The following MGAT4C variants were observed in gnomAD, a reference collection of about 807,000 sequenced individuals.
MGAT4C encodes the protein MGAT4 family member C.
In MGAT4C, 19 loss-of-function variants were observed where a neutral mutation model predicts 40.1. The ratio of observed to expected loss-of-function variants is 0.47; its 90% CI spans 0.33 to 0.70. The LOEUF is 0.70. Among genes scored for constraint, MGAT4C ranks in the 30% least tolerant of loss-of-function variants. The pLI, the probability that MGAT4C is intolerant of heterozygous loss-of-function variation, is 0.02. For missense variants in MGAT4C, 491 were observed against 563.2 expected (o/e 0.87, Z 1.30); for synonymous variants, 181 against 187.1 (o/e 0.97, Z 0.27).
rs995985881 is a variant in MGAT4C at position 86,308,975 on chromosome 12, G to A, written c.-57+25090C>T. Among the ~76,000 whole-genome samples the A allele has an allele frequency of 7.3e-4, 110 of 150,426 alleles. 7 individuals carry two copies. The highest frequency in any genetic ancestry group is 2.5e-3 in the African/African-American group (101 of 39,894). ...CTATATTTTTTGAAGAGACTATTTA[G>A]TGTTAATATTTAACTTAATAAAAAG... On this transcript the variant is annotated intron_variant, in intron 4 of 7. Transcript: ENST00000548651.
intron 1 of MGAT4C, among the ~76,000 whole-genome samples, chr12:86,144,478 T>C (rs192772067): frequency 3.0e-4 from 45 of 152,312 alleles, no homozygotes; most frequent in African/African-American, 1.1e-3. Context: ...CAGAAAAGAA[T>C]TGGTATGTGT....
At chr12:86,359,286 A>G (rs1450205102) in intron 3 of MGAT4C, among the ~76,000 whole-genome samples, 5 of 152,206 alleles carry the variant, frequency 3.3e-5, no homozygotes, top group African/African-American at 1.2e-4. Context: ...CAATGAGAAC[A>G]AAGACACAAC....
chr12:86,673,832 AC>A (rs201222951), intron 2 of MGAT4C, among the ~76,000 whole-genome samples: 1,859 of 152,238 alleles, frequency 0.012, 22 homozygotes, highest in South Asian at 0.034. Context: ...AGAAAAAAAA[AC>A]ATTATCAATT....
Position 86,832,615 on chromosome 12 carries a change from A to G in MGAT4C, c.-262+6051T>C, listed in dbSNP as rs530229773. The stretch of plus-strand genomic sequence containing the variant: ...CTCTTTTTCACTTACAGTGCTATGT[A>G]ATAGATATTTTTCTACATTTTTATA... On this transcript the variant is annotated intron_variant, in intron 1 of 7. Coordinates refer to the MGAT4C transcript ENST00000548651. 4.6e-5 allele frequency among the ~76,000 whole-genome samples: 7 copies of G among 151,968 alleles called. No homozygotes were observed. In the East Asian group the frequency reaches 1.2e-3, roughly 25 times the overall value.
At chr12:86,831,384 C>T (rs1952925077) in intron 1 of MGAT4C, among the ~76,000 whole-genome samples, 1 of 151,616 alleles carries the variant, frequency 6.6e-6, no homozygotes, top group Admixed American at 6.6e-5. Context: ...ACTTCAGGGT[C>T]TATTTGTGAT....
intron 1 of MGAT4C, among the ~76,000 whole-genome samples, chr12:86,189,853 A>G (rs1889175543): frequency 6.6e-6 from 1 of 152,098 alleles, no homozygotes; most frequent in African/African-American, 2.4e-5. Flanking sequence ...GGTTTCAGAT[A>G]GAAAATACAT....
intron 1 of MGAT4C, among the ~76,000 whole-genome samples, chr12:86,789,214 A>G (rs1951983128): frequency 6.6e-6 from 1 of 152,130 alleles, no homozygotes. Context: ...GCTGAAATGT[A>G]TTTAGAACTA....
intron 2 of MGAT4C, among the ~76,000 whole-genome samples, chr12:86,551,869 T>G (rs927342332): frequency 1.3e-5 from 2 of 152,066 alleles, no homozygotes; most frequent in Non-Finnish European, 2.9e-5. Context: ...ATTACACTAT[T>G]GTGTCCAACT....
chr12:86,551,897 A>G (rs1259001569), intron 2 of MGAT4C, among the ~76,000 whole-genome samples: 1 of 152,102 alleles, frequency 6.6e-6, no homozygotes, highest in Non-Finnish European at 1.5e-5. Flanking sequence ...AAGCCAGTGC[A>G]TCCCACCTAA....
intron 2 of MGAT4C, among the ~76,000 whole-genome samples, chr12:86,021,832 A>G (rs1889763448): frequency 6.6e-6 from 1 of 152,178 alleles, no homozygotes; most frequent in African/African-American, 2.4e-5. Flanking sequence ...TATAAAAGGC[A>G]ATAACATATT....
intron 2 of MGAT4C, among the ~76,000 whole-genome samples, chr12:86,525,187 C>T (rs1194370186): frequency 6.6e-6 from 1 of 152,130 alleles, no homozygotes. Context: ...CAGTTTCCTC[C>T]ATGCTGTTCT....
At chr12:86,109,338 A>C (rs1336233353) in intron 1 of MGAT4C, among the ~76,000 whole-genome samples, 1 of 152,166 alleles carries the variant, frequency 6.6e-6, no homozygotes, top group Non-Finnish European at 1.5e-5. Flanking sequence ...TAGTCTTTTC[A>C]GAAAGTTACT....
intron 2 of MGAT4C, among the ~76,000 whole-genome samples, chr12:86,459,488 A>G (rs552793697): frequency 2.3e-4 from 35 of 152,178 alleles, no homozygotes; most frequent in African/African-American, 7.5e-4. Context: ...CTAGTAGCTG[A>G]GAATCGTTAC....
intron 3 of MGAT4C, among the ~76,000 whole-genome samples, chr12:86,388,079 A>G (rs899263360): frequency 1.3e-5 from 2 of 152,162 alleles, no homozygotes; most frequent in Admixed American, 1.3e-4. Flanking sequence ...ATAAATATTC[A>G]AGCCATCTAT....
intron 1 of MGAT4C, among the ~76,000 whole-genome samples, chr12:86,093,124 T>C (rs1482760040): frequency 6.6e-6 from 1 of 152,100 alleles, no homozygotes; most frequent in Non-Finnish European, 1.5e-5. Flanking sequence ...CTATCTACCA[T>C]ATAATGTCAG....
At chr12:86,622,786 G>A (rs1962680419) in intron 2 of MGAT4C, among the ~76,000 whole-genome samples, 1 of 151,942 alleles carries the variant, frequency 6.6e-6, no homozygotes. Context: ...GCAATAAAAT[G>A]CAACTATAAC....
intron 2 of MGAT4C, among the ~76,000 whole-genome samples, chr12:86,518,777 A>G (rs1958742131): frequency 6.6e-6 from 1 of 152,210 alleles, no homozygotes; most frequent in Admixed American, 6.5e-5. Context: ...ATCTGGAAGC[A>G]AACATCTGTC....
chr12:86,382,165 A>C (rs894405077), intron 3 of MGAT4C, among the ~76,000 whole-genome samples: 2 of 152,332 alleles, frequency 1.3e-5, no homozygotes, highest in Non-Finnish European at 2.9e-5. Context: ...AATGGCATTG[A>C]CCAAAATGCT....
intron 4 of MGAT4C, among the ~76,000 whole-genome samples, chr12:86,277,591 G>T (rs973511666): frequency 6.6e-6 from 1 of 152,044 alleles, no homozygotes; most frequent in African/African-American, 2.4e-5. Context: ...AATAGAGTGG[G>T]GTAGTTTCAT....
Sources: gnomAD v4.1 joint callset for allele counts (sites outside exome capture counted in the v4.1 genomes callset) on GRCh38, gnomAD v4.1.1 for gene constraint, MANE v1.5 for transcripts, NCBI Gene and HGNC (gene_info 2026-07-23, HGNC 2026-07-21) for gene names.